PILRA: variants seen among roughly 807,000 people sequenced by gnomAD.
PILRA encodes the protein paired immunoglobulin-like type 2 receptor alpha.
In PILRA, 37 loss-of-function variants were observed where a neutral mutation model predicts 33.1. The ratio of observed to expected loss-of-function variants is 1.12; its 90% CI spans 0.86 to 1.47. The LOEUF (loss-of-function observed/expected upper bound fraction) is 1.47. Among genes scored for constraint, PILRA ranks in the 40% most tolerant of loss-of-function variants. PILRA has a pLI of 0.00. For missense variants in PILRA, 312 were observed against 376.2 expected, an observed-to-expected ratio of 0.83 and a Z score of 1.41; for synonymous variants, 146 against 149.9, an observed-to-expected ratio of 0.97 and a Z score of 0.19.
At chr7:100,379,248 T>C (rs1045363988) in intron 2 of PILRA, among the ~76,000 whole-genome samples, 2 of 151,088 alleles carry the variant, frequency 1.3e-5, no homozygotes, top group African/African-American at 4.9e-5. Flanking sequence ...TGCATGGTGG[T>C]GTGTACCTGT....
In PILRA at chr7:100,391,833, A is replaced by G. The variant is rs1791396557; in HGVS notation, c.673+1727A>G. 2.6e-5 allele frequency among the ~76,000 whole-genome samples: 4 copies of G among 152,322 alleles called. No individual in the cohort carries two copies. The South Asian group carries it at 8.3e-4, about 32-fold the overall frequency. On this transcript the variant is annotated intron_variant, in intron 3 of 6. Transcript: ENST00000198536. ...AGGAGATCATGCTTGGAGGGGAACG[A>G]TGCCTCATTTAATTTGGGATCTGTT...
At chr7:100,376,134 C>T (rs770352673) in intron 2 of PILRA, 6 of 152,204 alleles carry the variant, frequency 3.9e-5, no homozygotes, top group Non-Finnish European at 7.3e-5. Flanking sequence ...CCTGCAGGGA[C>T]GGACACTCTC....
chr7:100,373,765 A>G (rs541705283), intron 1 of PILRA, 45 bp downstream of exon 1: 2 of 1,606,502 alleles, frequency 1.2e-6, no homozygotes, highest in Non-Finnish European at 1.7e-6. Flanking sequence ...CCCAAACCAC[A>G]GGAGGGGCCA....
At chr7:100,374,675 C>CCA in intron 2 of PILRA, 1 of 575,472 alleles carries the variant, frequency 1.7e-6, no homozygotes, top group Non-Finnish European at 3.1e-6. Context: ...CAGCCCCGCC[C>CCA]CCACTCCTCA....
chr7:100,376,394 A>G (rs1790947583), intron 2 of PILRA: 1 of 151,578 alleles, frequency 6.6e-6, no homozygotes, highest in Non-Finnish European at 1.5e-5. Context: ...TCACTAATAA[A>G]TTGTATTTTC....
chr7:100,387,886 C>T (rs1791287329), intron 2 of PILRA, among the ~76,000 whole-genome samples: 2 of 152,108 alleles, frequency 1.3e-5, no homozygotes, highest in African/African-American at 4.8e-5. Flanking sequence ...TATCTGTTCC[C>T]TAATTTATTC....
intron 2 of PILRA, among the ~76,000 whole-genome samples, chr7:100,382,981 C>A (rs1483653749): frequency 6.6e-6 from 1 of 152,214 alleles, no homozygotes; most frequent in African/African-American, 2.4e-5. Flanking sequence ...TGAGCACTCA[C>A]CAATTCTGGA....
intron 2 of PILRA, among the ~76,000 whole-genome samples, chr7:100,379,047 C>T (rs1272915801): frequency 2.0e-5 from 3 of 147,618 alleles, no homozygotes; most frequent in Non-Finnish European, 4.5e-5. Flanking sequence ...GAGCAGAGAT[C>T]GTGCCACTGC....
chr7:100,378,406 C>T (rs1674321364), intron 2 of PILRA, among the ~76,000 whole-genome samples: 1 of 151,742 alleles, frequency 6.6e-6, no homozygotes, highest in Non-Finnish European at 1.5e-5. Context: ...CTGTTCCTTC[C>T]CCAATGTTAG....
intron 2 of PILRA, among the ~76,000 whole-genome samples, chr7:100,381,669 C>T (rs932092046): frequency 6.6e-6 from 1 of 152,232 alleles, no homozygotes; most frequent in East Asian, 1.9e-4. Context: ...ACAGTGGGAG[C>T]CCCTTCCTGG....
At chr7:100,374,746 A>G in intron 2 of PILRA, 1 of 424,168 alleles carries the variant, frequency 2.4e-6, no homozygotes, top group South Asian at 2.1e-5. Context: ...ATGAGGCTCC[A>G]GCCTGGCCTC....
chr7:100,387,335 T>C (rs1387802363), intron 2 of PILRA, among the ~76,000 whole-genome samples: 1 of 152,148 alleles, frequency 6.6e-6, no homozygotes, highest in Non-Finnish European at 1.5e-5. Context: ...TGCCTCAGCC[T>C]CCCAAGTAGC....
intron 2 of PILRA, among the ~76,000 whole-genome samples, chr7:100,378,368 C>T (rs1423923465): frequency 6.6e-6 from 1 of 151,220 alleles, no homozygotes; most frequent in African/African-American, 2.4e-5. Flanking sequence ...CAAAGCAAAA[C>T]AAAAAATATT....
intron 2 of PILRA, among the ~76,000 whole-genome samples, chr7:100,385,531 C>T (rs1660196694): frequency 6.6e-6 from 1 of 152,206 alleles, no homozygotes; most frequent in Non-Finnish European, 1.5e-5. Context: ...TGGAATTAAA[C>T]CACATACTAT....
In PILRA at chr7:100,373,610, C is replaced by T. The variant is rs199810421; in HGVS notation, c.-47C>T. On this transcript the variant is annotated 5_prime_UTR_variant, in exon 1 of 7. Coordinates refer to ENST00000198536, the MANE Select transcript of PILRA (RefSeq NM_013439.3). ...CCCCTCCACAGGGCCCCTCTCCTGC[C>T]TGGACGGCTCTGCTGGTCTCCCCGT... is the stretch of plus-strand genomic sequence containing the variant. 130 of 1,610,878 alleles carry T rather than the reference C, an allele frequency of 8.1e-5. No individual in the cohort carries two copies. The African/African-American group carries it at 1.5e-3, about 18-fold the overall frequency.
intron 2 of PILRA, among the ~76,000 whole-genome samples, chr7:100,389,278 TAAAA>T (rs1006994929): frequency 6.6e-6 from 1 of 152,018 alleles, no homozygotes; most frequent in African/African-American, 2.4e-5. Context: ...ATTTTTAACT[TAAAA>T]AAAATGTTTC....
At chr7:100,379,045 A>G (rs1791017444) in intron 2 of PILRA, among the ~76,000 whole-genome samples, 1 of 149,248 alleles carries the variant, frequency 6.7e-6, no homozygotes, top group Non-Finnish European at 1.5e-5. Flanking sequence ...GTGAGCAGAG[A>G]TCGTGCCACT....
intron 2 of PILRA, among the ~76,000 whole-genome samples, chr7:100,376,954 G>C (rs1442773081): frequency 6.6e-6 from 1 of 150,886 alleles, no homozygotes; most frequent in East Asian, 1.9e-4. Flanking sequence ...TGTAGTCATG[G>C]GATTTTGCTA....
At chr7:100,383,367 T>C (rs1277964849) in intron 2 of PILRA, among the ~76,000 whole-genome samples, 2 of 152,102 alleles carry the variant, frequency 1.3e-5, no homozygotes, top group Admixed American at 6.6e-5. Flanking sequence ...AACGCAGGGA[T>C]AGAAGAACTG....
Sources: gnomAD v4.1 joint callset for allele counts (sites outside exome capture counted in the v4.1 genomes callset) on GRCh38, gnomAD v4.1.1 for gene constraint, MANE v1.5 for transcripts, NCBI Gene and HGNC (gene_info 2026-07-23, HGNC 2026-07-21) for gene names.